TDP1: variants seen among roughly 807,000 people sequenced by gnomAD.
The protein encoded by TDP1 is tyr-DNA phosphodiesterase 1.
TDP1 carries 64 observed loss-of-function variants against 81.5 expected under a neutral mutation model. That is an observed-to-expected ratio of 0.79 (90% confidence interval 0.64 to 0.97). The LOEUF is 0.97. Among genes scored for constraint, TDP1 ranks in the 50% least tolerant of loss-of-function variants. TDP1 has a pLI of 0.00. For missense variants in TDP1, 723 were observed against 743.8 expected (o/e 0.97, Z 0.33); for synonymous variants, 256 against 264.3 (o/e 0.97, Z 0.30).
chr14:89,979,030 C>A lies in TDP1; in HGVS notation c.792-1510C>A, dbSNP rs1403172103. Among the ~76,000 whole-genome samples, 4 of 150,848 alleles carry A rather than the reference C, an allele frequency of 2.7e-5. No individual in the cohort carries two copies. In the East Asian group the frequency reaches 7.7e-4, roughly 29 times the overall value. On this transcript the variant is annotated intron_variant, in intron 7 of 16. Transcript: ENST00000335725. ...GTTCATGTTGTTTATTTGGAGAGAG[C>A]CAGTGGTTCACTTTTTTTTGCCATG... is the stretch of plus-strand genomic sequence containing the variant.
intron 6 of TDP1, 90 bp from the exon 7 acceptor site, chr14:89,975,691 A>C (rs1367766154): frequency 6.3e-6 from 8 of 1,267,382 alleles, no homozygotes; most frequent in Non-Finnish European, 9.2e-6. Flanking sequence ...TTAAAAAAAA[A>C]AGTTGACCTG....
At chr14:89,969,544 G>A (rs1893347358) in intron 5 of TDP1, among the ~76,000 whole-genome samples, 1 of 152,160 alleles carries the variant, frequency 6.6e-6, no homozygotes, top group East Asian at 1.9e-4. Flanking sequence ...AACATGACTT[G>A]ATCTAACATT....
intron 8 of TDP1, chr14:89,983,987 T>G (rs1296320106): frequency 1.1e-5 from 4 of 349,742 alleles, no homozygotes; most frequent in Non-Finnish European, 1.6e-5. Flanking sequence ...ACCTACGTTA[T>G]GAAAATGGGT....
At chr14:90,010,337 C>T (rs192453272) in intron 14 of TDP1, among the ~76,000 whole-genome samples, 212 of 152,292 alleles carry the variant, frequency 1.4e-3, no homozygotes, top group Non-Finnish European at 2.6e-3. Flanking sequence ...ACTGGGCAAA[C>T]ATTTGCAACA....
At chr14:90,004,740 CAGAAACATT>C (rs1566898709) in intron 14 of TDP1, among the ~76,000 whole-genome samples, 34 of 152,292 alleles carry the variant, frequency 2.2e-4, no homozygotes, top group African/African-American at 7.9e-4. Flanking sequence ...GGGATTGGCA[CAGAAACATT>C]ATTGCAGGAG....
At chr14:90,026,008 A>T (rs1367956733) in intron 15 of TDP1, among the ~76,000 whole-genome samples, 2 of 152,220 alleles carry the variant, frequency 1.3e-5, no homozygotes, top group Admixed American at 1.3e-4. Flanking sequence ...AAAGTAGCCC[A>T]GGTGTCCCTG....
At chr14:90,030,955 T>C (rs1371045694) in intron 15 of TDP1, among the ~76,000 whole-genome samples, 1 of 151,844 alleles carries the variant, frequency 6.6e-6, no homozygotes, top group Non-Finnish European at 1.5e-5. Flanking sequence ...ATTTATTTAT[T>C]AGAGATGTGG....
intron 8 of TDP1, chr14:89,983,023 TA>T (rs1194239216): frequency 1.8e-5 from 8 of 433,166 alleles, no homozygotes; most frequent in Non-Finnish European, 3.7e-5. Context: ...TTTGGCTCAT[TA>T]TAATAATTTT....
chr14:90,043,025 A>G, intron 16 of TDP1, 45 bp from the exon 17 acceptor site: 2 of 1,613,874 alleles, frequency 1.2e-6, no homozygotes, highest in South Asian at 1.1e-5. Context: ...TGCATTTTCT[A>G]CCATCCTATT....
chr14:89,980,384 A>T lies in TDP1; in HGVS notation c.792-156A>T, dbSNP rs987689536. Reference sequence around the variant, plus strand: ...CCTATCACTTAGGCAGACTTTCATCATGGTAATGTATAGAAGGGAAGATTA... The same window carrying T: ...CCTATCACTTAGGCAGACTTTCATCTTGGTAATGTATAGAAGGGAAGATTA... On this transcript the variant is annotated intron_variant, in intron 7 of 16. Coordinates refer to ENST00000335725, the MANE Select transcript of TDP1 (RefSeq NM_018319.4). 6 of 907,284 alleles carry T rather than the reference A, an allele frequency of 6.6e-6. No homozygotes were observed. In the African/African-American group the frequency reaches 7.2e-5, roughly 11 times the overall value. The allele number at this position is 907,284 out of a possible 1,614,324, so 56.2% of individuals were successfully genotyped here. A position where few individuals can be genotyped will look rare whatever the true frequency, so the allele number is the denominator to read the frequency against.
chr14:89,971,931 G>A (rs1893710592), intron 6 of TDP1, among the ~76,000 whole-genome samples: 2 of 151,898 alleles, frequency 1.3e-5, no homozygotes, highest in African/African-American at 4.8e-5. Flanking sequence ...CACATGAGTT[G>A]CATCTAAGGT....
intron 15 of TDP1, among the ~76,000 whole-genome samples, chr14:90,020,799 T>C (rs1298512884): frequency 7.0e-6 from 1 of 143,464 alleles, no homozygotes; most frequent in African/African-American, 2.7e-5. Context: ...ACTAATCCAG[T>C]CTTTTTTTTT....
intron 14 of TDP1, among the ~76,000 whole-genome samples, chr14:90,010,045 C>T (rs985219951): frequency 2.0e-5 from 3 of 152,146 alleles, no homozygotes; most frequent in African/African-American, 7.2e-5. Context: ...AACAAGAATA[C>T]CCTACAACCT....
intron 16 of TDP1, among the ~76,000 whole-genome samples, chr14:90,041,616 G>A (rs766927006): frequency 5.3e-5 from 8 of 152,188 alleles, no homozygotes; most frequent in Non-Finnish European, 8.8e-5. Flanking sequence ...AGGCGAGTTC[G>A]CAGTTGGGAG....
chr14:89,962,696 C>T (rs1892461164), intron 2 of TDP1, among the ~76,000 whole-genome samples: 1 of 149,768 alleles, frequency 6.7e-6, no homozygotes, highest in African/African-American at 2.5e-5. Flanking sequence ...GAAACCCTGT[C>T]TCTACCAAAA....
intron 8 of TDP1, chr14:89,984,285 C>T: frequency 2.0e-6 from 2 of 985,354 alleles, no homozygotes; most frequent in Non-Finnish European, 2.4e-6. Context: ...GGGCAGAGCC[C>T]AGGTCTTACT....
At chr14:90,002,950 T>G (rs897539280) in intron 14 of TDP1, among the ~76,000 whole-genome samples, 2 of 151,424 alleles carry the variant, frequency 1.3e-5, no homozygotes, top group Non-Finnish European at 2.9e-5. Flanking sequence ...ATTTATTTAT[T>G]TTTTTTGAGA....
intron 5 of TDP1, among the ~76,000 whole-genome samples, chr14:89,969,872 A>ATTTAT (rs1566852774): frequency 1.3e-5 from 1 of 79,450 alleles, no homozygotes. Context: ...AAATATACTT[A>ATTTAT]TTTCTTTTTT....
intron 5 of TDP1, 116 bp downstream of exon 5, chr14:89,967,538 T>G (rs1893094462): frequency 1.2e-6 from 1 of 853,108 alleles, no homozygotes; most frequent in African/African-American, 1.7e-5. Flanking sequence ...TTGAAACTGT[T>G]GAAATCACAC....
Sources: gnomAD v4.1 joint callset for allele counts (sites outside exome capture counted in the v4.1 genomes callset) on GRCh38, gnomAD v4.1.1 for gene constraint, MANE v1.5 for transcripts, NCBI Gene and HGNC (gene_info 2026-07-23, HGNC 2026-07-21) for gene names.